Variants in NAALADL2 observed in about 807,000 individuals in gnomAD.
The protein encoded by NAALADL2 is N-acetylated alpha-linked acidic dipeptidase like 2.
A neutral mutation model predicts 87.2 loss-of-function variants in NAALADL2; 76 were observed. That is an observed-to-expected ratio of 0.87 (90% CI 0.72 to 1.05). The LOEUF is 1.05. Among genes scored for constraint, NAALADL2 ranks in the 50% least tolerant of loss-of-function variants. The probability of loss-of-function intolerance (pLI) is 0.00; values close to 1 mark genes in which losing one functional copy is unlikely to be tolerated. For synonymous variants in NAALADL2, 354 were observed against 331.0 expected (o/e 1.07, Z -0.75); for missense variants, 1,089 against 945.8 (o/e 1.15, Z -1.99).
intron 9 of NAALADL2, among the ~76,000 whole-genome samples, chr3:175,477,315 C>G (rs754651246): frequency 5.7e-4 from 86 of 152,124 alleles, no homozygotes; most frequent in Non-Finnish European, 1.0e-3. Context: ...ACTTTCGAAC[C>G]TGACTCTGTA....
intron 2 of NAALADL2, among the ~76,000 whole-genome samples, chr3:174,554,122 C>A (rs906710492): frequency 2.6e-5 from 4 of 151,608 alleles, no homozygotes; most frequent in Non-Finnish European, 5.9e-5. Flanking sequence ...TTATAAATAT[C>A]TTTTAAAATA....
At chr3:174,530,751 CA>C (rs1325136078) in intron 1 of NAALADL2, among the ~76,000 whole-genome samples, 4 of 152,262 alleles carry the variant, frequency 2.6e-5, no homozygotes, top group Middle Eastern at 3.4e-3. Context: ...ACTTACCCCC[CA>C]CCGGGTCCCT....
In NAALADL2 at chr3:175,363,722, T is replaced by C. The variant is rs946579708; in HGVS notation, c.1090+39397T>C. Among the ~76,000 whole-genome samples, 21 of 148,302 alleles carry C rather than the reference T, an allele frequency of 1.4e-4. 1 individual carries two copies. The highest frequency in any genetic ancestry group is 4.7e-4 in the African/African-American group (19 of 40,828). Reference sequence around the variant, plus strand: ...TTAAAATAAATATTTGCCACTATTCTTTAAAATATCTATAACAGCATTAAT... The same window carrying C: ...TTAAAATAAATATTTGCCACTATTCCTTAAAATATCTATAACAGCATTAAT... On this transcript the variant is annotated intron_variant, in intron 5 of 13. Coordinates refer to ENST00000454872, the MANE Select transcript of NAALADL2 (RefSeq NM_207015.3).
chr3:175,066,020 C>T (rs182798927), intron 1 of NAALADL2, among the ~76,000 whole-genome samples: 8 of 152,252 alleles, frequency 5.3e-5, no homozygotes, highest in Admixed American at 4.6e-4. Context: ...TAACCGAATG[C>T]ACTTTGAGAT....
intron 2 of NAALADL2, among the ~76,000 whole-genome samples, chr3:175,136,242 G>A (rs909579045): frequency 6.6e-6 from 1 of 152,156 alleles, no homozygotes; most frequent in African/African-American, 2.4e-5. Flanking sequence ...AGCTGAGACA[G>A]GACATAAGTC....
intron 2 of NAALADL2, 71 bp downstream of exon 2, chr3:175,097,362 C>A (rs767567291): frequency 5.8e-6 from 8 of 1,382,774 alleles, no homozygotes; most frequent in Non-Finnish European, 7.9e-6. Flanking sequence ...GGGTATTGAA[C>A]TGATGATTTT....
At chr3:174,789,785 G>A (rs1259392478) in intron 3 of NAALADL2, among the ~76,000 whole-genome samples, 1 of 152,132 alleles carries the variant, frequency 6.6e-6, no homozygotes, top group Non-Finnish European at 1.5e-5. Context: ...ACCAGCAATG[G>A]CTAAGTGAAG....
rs79141972 is a variant in NAALADL2, at chr3:175,750,266, G to C, written c.1991-4954G>C. On this transcript the variant is annotated intron_variant, in intron 12 of 13. Coordinates refer to ENST00000454872, the MANE Select transcript of NAALADL2 (RefSeq NM_207015.3). ...GCAGGATGCTACAGGATGATCGTTG[G>C]CTAGAAGGCAGAAGATTCCCTGAGC... 3.0e-4 allele frequency among the ~76,000 whole-genome samples: 45 copies of C among 152,204 alleles called. No homozygotes were observed. In the East Asian group the frequency reaches 8.3e-3, roughly 28 times the overall value.
At chr3:174,699,063 C>G (rs1729302080) in intron 2 of NAALADL2, among the ~76,000 whole-genome samples, 1 of 151,986 alleles carries the variant, frequency 6.6e-6, no homozygotes, top group African/African-American at 2.4e-5. Flanking sequence ...TCCTGTGATT[C>G]CATGTAGATG....
intron 1 of NAALADL2, among the ~76,000 whole-genome samples, chr3:174,521,667 G>A (rs1265577504): frequency 1.3e-5 from 2 of 151,142 alleles, no homozygotes. Context: ...ATTATCCTCA[G>A]TGAAATAACT....
chr3:175,587,044 T>A (rs550009126), intron 10 of NAALADL2, among the ~76,000 whole-genome samples: 64 of 152,314 alleles, frequency 4.2e-4, no homozygotes, highest in Non-Finnish European at 9.0e-4. Flanking sequence ...GGTGAAAGGA[T>A]GGTCCCAAGA....
At chr3:174,914,280 C>G (rs955973868) in intron 1 of NAALADL2, among the ~76,000 whole-genome samples, 3 of 152,068 alleles carry the variant, frequency 2.0e-5, no homozygotes, top group Non-Finnish European at 4.4e-5. Flanking sequence ...CCAGGCTGGT[C>G]TCAAACTTTT....
intron 1 of NAALADL2, among the ~76,000 whole-genome samples, chr3:174,477,681 G>A (rs1717297947): frequency 6.6e-6 from 1 of 152,156 alleles, no homozygotes. Context: ...TAGCTGTTCA[G>A]TTCTTATTAT....
chr3:174,882,328 C>T (rs1261402154), intron 1 of NAALADL2, among the ~76,000 whole-genome samples: 1 of 151,160 alleles, frequency 6.6e-6, no homozygotes, highest in African/African-American at 2.4e-5. Context: ...AATAATATGG[C>T]CATGAAACAA....
chr3:175,527,614 C>A (rs1008677845), intron 9 of NAALADL2, among the ~76,000 whole-genome samples: 6 of 152,040 alleles, frequency 3.9e-5, no homozygotes, highest in African/African-American at 1.4e-4. Flanking sequence ...ATTTTAACAT[C>A]CCCCTCACAA....
intron 1 of NAALADL2, among the ~76,000 whole-genome samples, chr3:174,486,933 C>T (rs1717892870): frequency 6.6e-6 from 1 of 151,960 alleles, no homozygotes; most frequent in Non-Finnish European, 1.5e-5. Context: ...GAGCTGCCAC[C>T]TTCTTATGCC....
At chr3:174,857,621 T>C (rs893576446), upstream of NAALADL2, among the ~76,000 whole-genome samples, 3 of 152,182 alleles carry the variant, frequency 2.0e-5, no homozygotes, top group African/African-American at 4.8e-5. Flanking sequence ...CAGTGTTTTA[T>C]TGGCAAACAT....
At chr3:175,134,002 C>G (rs920351186) in intron 2 of NAALADL2, among the ~76,000 whole-genome samples, 2 of 152,182 alleles carry the variant, frequency 1.3e-5, no homozygotes, top group African/African-American at 2.4e-5. Flanking sequence ...AGATAATCAT[C>G]TATCTGGCCT....
intron 1 of NAALADL2, among the ~76,000 whole-genome samples, chr3:174,874,319 A>C (rs1036115053): frequency 6.6e-6 from 1 of 152,188 alleles, no homozygotes; most frequent in African/African-American, 2.4e-5. Context: ...ACAGAATATC[A>C]ATGCTTCTTG....
Sources: gnomAD v4.1 joint callset for allele counts (sites outside exome capture counted in the v4.1 genomes callset) on GRCh38, gnomAD v4.1.1 for gene constraint, MANE v1.5 for transcripts, NCBI Gene and HGNC (gene_info 2026-07-23, HGNC 2026-07-21) for gene names.